The following EXT2 variants were observed in gnomAD, a reference collection of about 807,000 sequenced individuals.
EXT2 encodes exostosin glycosyltransferase 2.
In EXT2, 53 loss-of-function variants were observed where a neutral mutation model predicts 81.6. The ratio of observed to expected loss-of-function variants is 0.65; its 90% confidence interval spans 0.52 to 0.82. The LOEUF is 0.82. EXT2 is among the 40% of genes least tolerant of loss of function. The pLI is 0.00. For missense variants in EXT2, 774 were observed against 910.2 expected (o/e 0.85, Z 1.93); for synonymous variants, 320 against 340.0 (o/e 0.94, Z 0.65).
intron 9 of EXT2, among the ~76,000 whole-genome samples, chr11:44,199,812 T>G (rs1334986548): frequency 1.3e-5 from 2 of 152,162 alleles, no homozygotes; most frequent in East Asian, 3.9e-4. Flanking sequence ...GGGTGTTCAG[T>G]TTTAATTTTT....
Position 44,108,209 on chromosome 11 carries a change from G to A in EXT2, c.497G>A (p.Arg166His), listed in dbSNP as rs772821141. 56 of 1,613,316 alleles carry A rather than the reference G, an allele frequency of 3.5e-5. No individual in the cohort carries two copies. The highest frequency in any genetic ancestry group is 5.3e-5 in the African/African-American group (4 of 74,888). The change falls in exon 2 of 14, where the codon CGC (arginine) becomes CAC (histidine). Residue 166 changes from arginine to histidine, a missense_variant. Physicochemically the swap from Arg to His is conservative, Grantham distance 29. Around this residue, in one of 2 missense-constraint regions of EXT2, gnomAD observed 626 missense variants for 670.5 expected, o/e 0.93. Coordinates refer to ENST00000533608, the MANE Select transcript of EXT2 (RefSeq NM_207122.2). ...SIDVLNQNTL[R>H]IKETAQAMAQ... Reference sequence around the variant, plus strand: ...GATGTGCTTAACCAGAACACACTGCGCATCAAGGAGACAGCACAAGCGATG... The same window carrying A: ...GATGTGCTTAACCAGAACACACTGCACATCAAGGAGACAGCACAAGCGATG...
chr11:44,237,798 T>C (rs1955983878), intron 13 of EXT2, among the ~76,000 whole-genome samples: 1 of 150,592 alleles, frequency 6.6e-6, no homozygotes, highest in African/African-American at 2.5e-5. Context: ...GTGTGGTGGC[T>C]CACTCCTGTA....
chr11:44,241,525 G>GA (rs1337856562), intron 13 of EXT2, among the ~76,000 whole-genome samples: 4 of 152,210 alleles, frequency 2.6e-5, no homozygotes, highest in African/African-American at 7.2e-5. Flanking sequence ...AGTGATACAT[G>GA]AAAGCCTGTA....
chr11:44,230,881 G>A (rs550336497), intron 10 of EXT2, among the ~76,000 whole-genome samples: 1 of 152,280 alleles, frequency 6.6e-6, no homozygotes, highest in South Asian at 2.1e-4. Context: ...CTGCCCTAGG[G>A]AATGGCATGA....
At chr11:44,211,150 A>C (rs1252227579) in intron 10 of EXT2, among the ~76,000 whole-genome samples, 2 of 152,208 alleles carry the variant, frequency 1.3e-5, no homozygotes, top group Non-Finnish European at 2.9e-5. Flanking sequence ...AATGGACCAC[A>C]CATGTATGGC....
At chr11:44,214,386 C>T (rs1434676875) in intron 10 of EXT2, among the ~76,000 whole-genome samples, 9 of 152,062 alleles carry the variant, frequency 5.9e-5, no homozygotes, top group Admixed American at 1.3e-4. Context: ...AGTGCTGGGA[C>T]TACAAGCGTG....
At chr11:44,162,545 C>T (rs909152646) in intron 7 of EXT2, among the ~76,000 whole-genome samples, 4 of 141,548 alleles carry the variant, frequency 2.8e-5, no homozygotes, top group Non-Finnish European at 6.0e-5. Context: ...CACTGCCCTC[C>T]AGCCTGGGGG....
intron 13 of EXT2, among the ~76,000 whole-genome samples, chr11:44,237,914 A>C (rs1420473956): frequency 2.1e-5 from 3 of 143,310 alleles, no homozygotes; most frequent in Non-Finnish European, 4.6e-5. Flanking sequence ...AAAAAAAAAA[A>C]AAAAAAAAAA....
At chr11:44,144,208 T>TG in intron 7 of EXT2, 1 of 1,537,306 alleles carries the variant, frequency 6.5e-7, no homozygotes, top group Non-Finnish European at 8.9e-7. Flanking sequence ...TTATTTTTGA[T>TG]GACACATCTT....
At position 44,206,935 on chromosome 11, in the gene EXT2, T is replaced by C; in HGVS notation, c.1638T>C (p.Ser546=). 4 of 1,614,168 alleles carry C rather than the reference T, an allele frequency of 2.5e-6. No homozygotes were observed. Among genetic ancestry groups the C allele is most frequent in the Non-Finnish European group, 3.4e-6 (4 of 1,180,004 alleles). Residue 546 remains serine (S), a synonymous_variant, in exon 10 of 14, where the codon TCT becomes TCC. Transcript: ENST00000533608. ...AIDDDIIMLT[S]DELQFGYEVW... is the part of the protein sequence containing the mutation. ...ATGATGATATCATTATGCTGACCTC[T>C]GACGAGCTGCAATTTGGTTATGAGG...
chr11:44,183,663 A>G lies in EXT2; in HGVS notation c.1305+11921A>G, dbSNP rs184739585. ...CCACATTTTTCTCTCTCTGTGCTGC[A>G]TGCTAGATAACTTTTTCACATCTAT... On this transcript the variant is annotated intron_variant, in intron 8 of 13. Transcript: ENST00000533608. Among the ~76,000 whole-genome samples, 670 of 151,570 alleles carry G rather than the reference A, an allele frequency of 4.4e-3. 2 individuals carry two copies. Among genetic ancestry groups the G allele is most frequent in the Admixed American group, 8.0e-3 (121 of 15,220 alleles).
Position 44,250,814 on chromosome 11 carries a change from G to A in EXT2, c.*6527G>A, listed in dbSNP as rs1008143716. On this transcript the variant is annotated 3_prime_UTR_variant, in exon 14 of 14. Coordinates refer to ENST00000533608, the MANE Select transcript of EXT2 (RefSeq NM_207122.2). ...TTAATTTCAATAGAAAGGGTTATAT[G>A]CAACCCTGTATCTGCTGATTTTCAG... is the stretch of plus-strand genomic sequence containing the variant. 5.3e-5 allele frequency among the ~76,000 whole-genome samples: 8 copies of A among 152,146 alleles called. No homozygotes were observed. Among genetic ancestry groups the A allele is most frequent in the Non-Finnish European group, 8.8e-5 (6 of 68,040 alleles).
intron 1 of EXT2, among the ~76,000 whole-genome samples, chr11:44,102,694 G>A (rs1954003542): frequency 6.6e-6 from 1 of 151,966 alleles, no homozygotes; most frequent in Non-Finnish European, 1.5e-5. Flanking sequence ...AGTTCCTGTG[G>A]TTCCGTATCT....
chr11:44,216,324 C>A (rs914949676), intron 10 of EXT2, among the ~76,000 whole-genome samples: 3 of 152,122 alleles, frequency 2.0e-5, no homozygotes, highest in African/African-American at 7.2e-5. Context: ...GAAGTACAGG[C>A]AGATCTGTAA....
chr11:44,251,951 G>C lies in EXT2; in HGVS notation c.*7664G>C, dbSNP rs1000126742. Among the ~76,000 whole-genome samples the C allele has an allele frequency of 2.0e-5, 3 of 152,160 alleles. No homozygotes were observed. The highest frequency in any genetic ancestry group is 7.2e-5 in the African/African-American group (3 of 41,436). ...AATTTCAAATGTCAATAAATGCTGT[G>C]AAGAAAATAAAGCAGAGTATTATAT... On this transcript the variant is annotated 3_prime_UTR_variant, in exon 14 of 14. Coordinates refer to ENST00000533608, the MANE Select transcript of EXT2 (RefSeq NM_207122.2).
intron 7 of EXT2, among the ~76,000 whole-genome samples, chr11:44,164,404 A>G (rs1455129268): frequency 1.3e-5 from 2 of 152,206 alleles, no homozygotes; most frequent in African/African-American, 4.8e-5. Flanking sequence ...AAAAACTGAG[A>G]GGTTAAGTAA....
intron 7 of EXT2, among the ~76,000 whole-genome samples, chr11:44,143,756 A>G (rs534395360): frequency 5.6e-4 from 86 of 152,238 alleles, no homozygotes; most frequent in African/African-American, 2.0e-3. Context: ...TCTCAATGTC[A>G]TTTTTCCAGG....
At chr11:44,208,546 A>G (rs1955610785) in intron 10 of EXT2, among the ~76,000 whole-genome samples, 1 of 152,206 alleles carries the variant, frequency 6.6e-6, no homozygotes, top group African/African-American at 2.4e-5. Context: ...TATTACCTCT[A>G]AAGAAGTAAT....
intron 9 of EXT2, among the ~76,000 whole-genome samples, chr11:44,206,063 AATTGGACCTAG>A (rs1478492338): frequency 7.1e-6 from 1 of 140,732 alleles, no homozygotes; most frequent in Non-Finnish European, 1.5e-5. Context: ...AATCCCACAT[AATTGGACCTAG>A]AAATTTGATA....
Sources: allele counts gnomAD v4.1 joint callset (sites outside exome capture counted in the v4.1 genomes callset), GRCh38; gene constraint gnomAD v4.1.1; regional missense constraint gnomAD v4.1.1; transcripts MANE v1.5; gene names NCBI Gene and HGNC (gene_info 2026-07-23, HGNC 2026-07-21).